SLC14A2: variants seen among roughly 807,000 people sequenced by gnomAD.
The protein encoded by SLC14A2 is solute carrier family 14 member 2.
SLC14A2 carries 91 observed loss-of-function variants against 104.6 expected under a neutral mutation model. That is an observed-to-expected ratio of 0.87 (90% CI 0.73 to 1.04). SLC14A2 has a LOEUF of 1.04. SLC14A2 is among the 50% of genes least tolerant of loss of function. The pLI, the probability that SLC14A2 is intolerant of heterozygous loss-of-function variation, is 0.00. For synonymous variants in SLC14A2, 476 were observed against 466.4 expected, an observed-to-expected ratio of 1.02 and a Z score of -0.27; for missense variants, 1,189 against 1,156.0, an observed-to-expected ratio of 1.03 and a Z score of -0.41.
intron 2 of SLC14A2, among the ~76,000 whole-genome samples, chr18:45,596,690 T>C (rs181117987): frequency 6.6e-6 from 1 of 152,320 alleles, no homozygotes; most frequent in East Asian, 1.9e-4. Flanking sequence ...TGGTGCTACT[T>C]TTCAGGCTTT....
At chr18:45,316,558 CG>C (rs1362161935) in intron 1 of SLC14A2, among the ~76,000 whole-genome samples, 1 of 151,914 alleles carries the variant, frequency 6.6e-6, no homozygotes, top group Non-Finnish European at 1.5e-5. Flanking sequence ...TCTGAGGACC[CG>C]ATATAAAGGT....
At position 45,663,775 on chromosome 18, in the gene SLC14A2, C is replaced by T. The variant is rs2045968241; in HGVS notation, c.1352-10C>T. On this transcript the variant is annotated splice_polypyrimidine_tract_variant and intron_variant, in intron 10 of 19. Coordinates refer to ENST00000255226, the MANE Select transcript of SLC14A2 (RefSeq NM_007163.4). ...GGGACACTGACCTGTCTTGTTTTGC[C>T]CCTGGCTAGGAGGCGGTGGGGAGCA... is the stretch of plus-strand genomic sequence containing the variant. The T allele has an allele frequency of 6.2e-7, 1 of 1,610,934 alleles. No individual in the cohort carries two copies. The highest frequency in any genetic ancestry group is 1.3e-5 in the African/African-American group (1 of 74,732).
At chr18:45,316,326 G>A (rs888975990) in intron 1 of SLC14A2, among the ~76,000 whole-genome samples, 2 of 152,212 alleles carry the variant, frequency 1.3e-5, no homozygotes, top group African/African-American at 4.8e-5. Flanking sequence ...ATGGCCACCA[G>A]GAGGCTGCCT....
intron 1 of SLC14A2, among the ~76,000 whole-genome samples, chr18:45,224,182 T>C (rs1375189244): frequency 6.6e-6 from 1 of 152,222 alleles, no homozygotes; most frequent in Non-Finnish European, 1.5e-5. Flanking sequence ...TGCAGTGTCC[T>C]AGAGCCCACT....
chr18:45,391,524 T>C (rs1177364746), intron 1 of SLC14A2, among the ~76,000 whole-genome samples: 1 of 152,198 alleles, frequency 6.6e-6, no homozygotes, highest in Admixed American at 6.5e-5. Context: ...ATGGTTGAAC[T>C]AGTTTACAGT....
chr18:45,438,304 G>A (rs2086629101), intron 1 of SLC14A2: 2 of 152,176 alleles, frequency 1.3e-5, no homozygotes, highest in South Asian at 4.1e-4. Flanking sequence ...TGGGATTGGA[G>A]TAAGGAAGTC....
chr18:45,647,929 T>A (rs1040046817), intron 10 of SLC14A2: 22 of 152,134 alleles, frequency 1.4e-4, no homozygotes, highest in African/African-American at 4.8e-4. Context: ...AATTTTACTT[T>A]GAAAGAAATA....
chr18:45,624,625 G>T lies in SLC14A2; in HGVS notation c.-34-6G>T. The T allele has an allele frequency of 6.3e-7, 1 of 1,586,318 alleles. No homozygotes were observed. On this transcript the variant is annotated splice_region_variant and splice_polypyrimidine_tract_variant and intron_variant, in intron 1 of 19. Coordinates refer to ENST00000255226, the MANE Select transcript of SLC14A2 (RefSeq NM_007163.4). ...TCACTAGCTCTTTCCCTTTCCTTCC[G>T]TCTAGTCCATCGATAGAAGAGTGGC...
intron 2 of SLC14A2, among the ~76,000 whole-genome samples, chr18:45,497,343 C>A (rs891553913): frequency 3.9e-5 from 6 of 152,150 alleles, no homozygotes; most frequent in Non-Finnish European, 7.3e-5. Context: ...TGTGTTAGGC[C>A]AGTGAGGATA....
chr18:45,265,111 A>G (rs910783292), intron 1 of SLC14A2, among the ~76,000 whole-genome samples: 3 of 152,132 alleles, frequency 2.0e-5, no homozygotes, highest in Non-Finnish European at 2.9e-5. Flanking sequence ...TCACCCATTA[A>G]AAATCATTTA....
intron 16 of SLC14A2, among the ~76,000 whole-genome samples, chr18:45,670,948 C>T (rs2144643658): frequency 6.6e-6 from 1 of 152,288 alleles, no homozygotes; most frequent in Middle Eastern, 3.4e-3. Flanking sequence ...CAGGCGTGGA[C>T]CATTACACCT....
At chr18:45,327,649 G>T (rs931005460) in intron 1 of SLC14A2, among the ~76,000 whole-genome samples, 4 of 151,218 alleles carry the variant, frequency 2.6e-5, no homozygotes, top group African/African-American at 9.8e-5. Context: ...GTCCTTTTGT[G>T]TCTGGCTTCT....
At chr18:45,506,422 T>A (rs2043286034) in intron 2 of SLC14A2, among the ~76,000 whole-genome samples, 1 of 151,848 alleles carries the variant, frequency 6.6e-6, no homozygotes, top group African/African-American at 2.4e-5. Flanking sequence ...TCGTGCCCCA[T>A]CAAAAAAATA....
At chr18:45,576,391 C>T (rs1340567105) in intron 2 of SLC14A2, among the ~76,000 whole-genome samples, 2 of 147,456 alleles carry the variant, frequency 1.4e-5, no homozygotes, top group Non-Finnish European at 3.0e-5. Context: ...TTAAGCAATT[C>T]TCCTCCCTCG....
At chr18:45,199,596 A>C in the SLC14A2 span, among the ~76,000 whole-genome samples, 1 of 152,000 alleles carries the variant, frequency 6.6e-6, no homozygotes, top group African/African-American at 2.4e-5. Flanking sequence ...AGATTTTCCC[A>C]TTATTTCTAT....
intron 4 of SLC14A2, among the ~76,000 whole-genome samples, chr18:45,630,824 C>A (rs2045332432): frequency 6.6e-6 from 1 of 152,218 alleles, no homozygotes; most frequent in Non-Finnish European, 1.5e-5. Context: ...ATCTTCCTGG[C>A]CTCAAGAGCA....
chr18:45,328,509 GA>G (rs1248444284), intron 1 of SLC14A2, among the ~76,000 whole-genome samples: 1 of 152,202 alleles, frequency 6.6e-6, no homozygotes, highest in Non-Finnish European at 1.5e-5. Context: ...TCAGTCTTGA[GA>G]TTCATGAAGT....
At chr18:45,484,490 A>C (rs1403508366) in intron 2 of SLC14A2, among the ~76,000 whole-genome samples, 3 of 152,202 alleles carry the variant, frequency 2.0e-5, no homozygotes, top group African/African-American at 7.2e-5. Flanking sequence ...CAGAGCAGGG[A>C]TTAGTTAACT....
chr18:45,679,528 G>A (rs1469653684), intron 19 of SLC14A2, among the ~76,000 whole-genome samples: 1 of 152,210 alleles, frequency 6.6e-6, no homozygotes, highest in Non-Finnish European at 1.5e-5. Flanking sequence ...TCCAGTGTAG[G>A]GTGATGTGTG....
Sources: gnomAD v4.1 joint callset for allele counts (sites outside exome capture counted in the v4.1 genomes callset) on GRCh38, gnomAD v4.1.1 for gene constraint, MANE v1.5 for transcripts, NCBI Gene and HGNC (gene_info 2026-07-23, HGNC 2026-07-21) for gene names.